The following DCC variants were observed in gnomAD, a reference collection of about 807,000 sequenced individuals.
DCC encodes netrin receptor DCC.
In DCC, 58 loss-of-function variants were observed where a neutral mutation model predicts 172.5. The observed-to-expected ratio is 0.34, with a 90% CI of 0.27 to 0.42. The LOEUF (loss-of-function observed/expected upper bound fraction) is 0.42. Ranked by LOEUF, DCC falls within the 10% of genes least tolerant of loss-of-function variation. The pLI is 1.00. For missense variants in DCC, 1,740 were observed against 1,791.0 expected, an observed-to-expected ratio of 0.97 and a Z score of 0.51; for synonymous variants, 709 against 644.5, an observed-to-expected ratio of 1.10 and a Z score of -1.52.
In DCC at chr18:52,494,039, C is replaced by T. The variant is rs948737265; in HGVS notation, c.91+153161C>T. Among the ~76,000 whole-genome samples, 4 of 151,932 alleles carry T rather than the reference C, an allele frequency of 2.6e-5. 1 individual carries two copies. Among genetic ancestry groups the T allele is most frequent in the Admixed American group, 6.6e-5 (1 of 15,194 alleles). ...GGTTTGTTAATGACAAATTCTCTTG[C>T]TTTCTGTTTTTGTTAAAATGGGTTA... On this transcript the variant is annotated intron_variant, in intron 1 of 28. Transcript: ENST00000442544.
chr18:52,855,775 T>TC (rs1315665832), intron 2 of DCC, among the ~76,000 whole-genome samples: 1 of 150,256 alleles, frequency 6.7e-6, no homozygotes, highest in Non-Finnish European at 1.5e-5. Context: ...TTTTTTTTTT[T>TC]TTTTTTTGAG....
intron 2 of DCC, among the ~76,000 whole-genome samples, chr18:52,875,749 A>G (rs1049941812): frequency 6.6e-6 from 1 of 152,224 alleles, no homozygotes; most frequent in African/African-American, 2.4e-5. Context: ...ACTTTTTTAA[A>G]AAAGAAATGA....
chr18:52,453,924 AG>A (rs1163061975), intron 1 of DCC, among the ~76,000 whole-genome samples: 4 of 152,184 alleles, frequency 2.6e-5, no homozygotes, highest in Admixed American at 2.6e-4. Flanking sequence ...AAAGAGAATT[AG>A]TGGCTGAAGA....
intron 27 of DCC, among the ~76,000 whole-genome samples, chr18:53,514,086 A>G (rs1394828379): frequency 6.6e-6 from 1 of 152,230 alleles, no homozygotes; most frequent in East Asian, 1.9e-4. Flanking sequence ...AATGTAAAAG[A>G]ACAGAGATTA....
chr18:52,365,409 G>C (rs764812257), intron 1 of DCC, among the ~76,000 whole-genome samples: 7 of 152,052 alleles, frequency 4.6e-5, no homozygotes, highest in African/African-American at 9.7e-5. Context: ...ACTTATTAAA[G>C]GAATTAAAAT....
intron 12 of DCC, among the ~76,000 whole-genome samples, chr18:53,217,230 T>C (rs1440948797): frequency 6.7e-6 from 1 of 150,184 alleles, no homozygotes; most frequent in Non-Finnish European, 1.5e-5. Context: ...GAAGACGGAA[T>C]TCCTGGATTG....
chr18:52,988,327 T>A (rs1007613685), intron 5 of DCC, among the ~76,000 whole-genome samples: 2 of 152,094 alleles, frequency 1.3e-5, no homozygotes, highest in African/African-American at 4.8e-5. Flanking sequence ...TAAAACAAAG[T>A]CCATGTACTG....
intron 12 of DCC, among the ~76,000 whole-genome samples, chr18:53,243,544 G>T (rs1196849013): frequency 6.6e-6 from 1 of 152,150 alleles, no homozygotes; most frequent in Non-Finnish European, 1.5e-5. Flanking sequence ...GTTCACAGTA[G>T]CTTCCATATT....
At chr18:52,419,339 AT>A (rs770672769) in intron 1 of DCC, 1 of 152,152 alleles carries the variant, frequency 6.6e-6, no homozygotes, top group African/African-American at 2.4e-5. Flanking sequence ...CCTGCAAGAT[AT>A]TCAGAAAGCA....
chr18:53,048,519 G>A lies in DCC; in HGVS notation c.986-14786G>A, dbSNP rs1055628217. ...TGTGTGTGTGTGTGTGTGTGTGTGT[G>A]TGTGTGTATACATATATACACACAC... is the stretch of plus-strand genomic sequence containing the variant. On this transcript the variant is annotated intron_variant, in intron 5 of 28. Transcript: ENST00000442544. Among the ~76,000 whole-genome samples the A allele has an allele frequency of 1.4e-4, 18 of 133,198 alleles. No homozygotes were observed. In the South Asian group the frequency reaches 4.1e-3, roughly 30 times the overall value. 87.4% of individuals were successfully genotyped at this position (133,198 alleles called of 152,430 possible). A position where few individuals can be genotyped will look rare whatever the true frequency, so the allele number is the denominator to read the frequency against.
intron 2 of DCC, among the ~76,000 whole-genome samples, chr18:52,850,242 C>G (rs2038954898): frequency 6.6e-6 from 1 of 152,146 alleles, no homozygotes; most frequent in African/African-American, 2.4e-5. Context: ...GGAATCACTC[C>G]CAGTTCTTCG....
intron 2 of DCC, among the ~76,000 whole-genome samples, chr18:52,872,605 C>G (rs1261175667): frequency 6.6e-6 from 1 of 152,192 alleles, no homozygotes; most frequent in Admixed American, 6.5e-5. Context: ...ACAGGAGACT[C>G]ATCTCTGCCT....
At chr18:52,812,691 C>T (rs930094941) in intron 2 of DCC, among the ~76,000 whole-genome samples, 1 of 152,190 alleles carries the variant, frequency 6.6e-6, no homozygotes, top group Non-Finnish European at 1.5e-5. Context: ...TTAAATAGTG[C>T]TTAAGAATTT....
chr18:52,434,930 C>G (rs1987742668), intron 1 of DCC, among the ~76,000 whole-genome samples: 1 of 152,146 alleles, frequency 6.6e-6, no homozygotes, highest in Admixed American at 6.5e-5. Flanking sequence ...ACACATATGT[C>G]CTGTAGATTG....
intron 1 of DCC, among the ~76,000 whole-genome samples, chr18:52,673,600 C>CT (rs2035594350): frequency 6.6e-6 from 1 of 152,146 alleles, no homozygotes. Flanking sequence ...TTTTTCCCTC[C>CT]TTTTTTCTTG....
intron 1 of DCC, among the ~76,000 whole-genome samples, chr18:52,652,138 C>T (rs1158758840): frequency 2.0e-5 from 3 of 152,134 alleles, no homozygotes; most frequent in Admixed American, 6.5e-5. Context: ...TCTACCTAAT[C>T]CATCAGTCAA....
chr18:53,347,395 T>C (rs556591387), intron 15 of DCC, among the ~76,000 whole-genome samples: 20 of 152,184 alleles, frequency 1.3e-4, no homozygotes, highest in Admixed American at 2.0e-4. Flanking sequence ...GTGGCTGTTA[T>C]CAGTGAGATG....
In DCC at chr18:53,300,958, A is replaced by ATTCTTTCT. The variant is rs1436953257; in HGVS notation, c.1912-4617_1912-4616insTTTCTTTC. 4.3e-4 allele frequency among the ~76,000 whole-genome samples: 35 copies of ATTCTTTCT among 81,730 alleles called. 3 individuals carry two copies. Among genetic ancestry groups the ATTCTTTCT allele is most frequent in the East Asian group, 1.2e-3 (4 of 3,346 alleles). 53.6% of individuals were successfully genotyped at this position (81,730 alleles called of 152,430 possible). ...ATCCATTATTTGACGTTGGTTCTGG[A>ATTCTTTCT]TTCATTCTTTCTTTCTTTCTTTCTT... On this transcript the variant is annotated intron_variant, in intron 12 of 28. Coordinates refer to ENST00000442544, the MANE Select transcript of DCC (RefSeq NM_005215.4).
intron 1 of DCC, among the ~76,000 whole-genome samples, chr18:52,538,785 C>A (rs2032356285): frequency 6.6e-6 from 1 of 151,988 alleles, no homozygotes. Context: ...TTCTTTTAAC[C>A]TTGATTGCAA....
Sources: gnomAD v4.1 joint callset for allele counts (sites outside exome capture counted in the v4.1 genomes callset) on GRCh38, gnomAD v4.1.1 for gene constraint, MANE v1.5 for transcripts, NCBI Gene and HGNC (gene_info 2026-07-23, HGNC 2026-07-21) for gene names.